The following TTC28 variants were observed in gnomAD, a reference collection of about 807,000 sequenced individuals.
TTC28 encodes the protein tetratricopeptide repeat protein 28.
TTC28 carries 61 observed loss-of-function variants against 198.0 expected under a neutral mutation model. The observed-to-expected ratio is 0.31, with a 90% CI of 0.25 to 0.38. The LOEUF (loss-of-function observed/expected upper bound fraction) is 0.38. TTC28 is among the 10% of genes least tolerant of loss of function. The pLI is 1.00. For synonymous variants in TTC28, 1,171 were observed against 1,297.8 expected (o/e 0.90, Z 2.10); for missense variants, 2,678 against 3,164.0 (o/e 0.85, Z 3.69).
At chr22:28,245,398 C>T (rs1387474076) in intron 5 of TTC28, among the ~76,000 whole-genome samples, 2 of 152,104 alleles carry the variant, frequency 1.3e-5, no homozygotes, top group African/African-American at 4.8e-5. Context: ...TCTATTTCAT[C>T]CTTAGGCCAA....
chr22:28,509,159 CT>C lies in TTC28; in HGVS notation c.381+120392del, dbSNP rs1568987396. On this transcript the variant is annotated intron_variant, in intron 2 of 22. Coordinates refer to ENST00000397906, the MANE Select transcript of TTC28 (RefSeq NM_001145418.2). ...TGAGCTGAGATTGCACCACTGCACTCTAGCCTGGGCAACAAAGTGAGATTCT... is the reference window on the plus strand; with the variant it reads ...TGAGCTGAGATTGCACCACTGCACTCAGCCTGGGCAACAAAGTGAGATTCT... 7.5e-3 allele frequency among the ~76,000 whole-genome samples: 1,126 copies of C among 150,616 alleles called. 19 individuals are homozygous for C. Among genetic ancestry groups the C allele is most frequent in the African/African-American group, 0.025 (1,034 of 40,974 alleles).
chr22:28,622,753 T>C (rs1056500496), intron 2 of TTC28, among the ~76,000 whole-genome samples: 2 of 152,028 alleles, frequency 1.3e-5, no homozygotes, highest in Admixed American at 1.3e-4. Flanking sequence ...TGAAAATATA[T>C]AAACAGAAGA....
At chr22:28,162,929 T>C (rs1405397038) in intron 6 of TTC28, among the ~76,000 whole-genome samples, 163 bp downstream of exon 6, 8 of 152,148 alleles carry the variant, frequency 5.3e-5, no homozygotes, top group Admixed American at 5.2e-4. Context: ...CAGTGACAGA[T>C]GAAGACCCTG....
Position 28,391,453 on chromosome 22 carries a change from A to G in TTC28, c.382-84810T>C, listed in dbSNP as rs866590443. Among the ~76,000 whole-genome samples, 95 of 152,218 alleles carry G rather than the reference A, an allele frequency of 6.2e-4. No individual in the cohort carries two copies. The Middle Eastern group carries it at 0.014, about 22-fold the overall frequency. ...GCAGAGTGTTTTCCAACTTGGTTCC[A>G]TTCTCCCCGTCACTTTCAGGTACAC... is the stretch of plus-strand genomic sequence containing the variant. On this transcript the variant is annotated intron_variant, in intron 2 of 22. Transcript: ENST00000397906.
At position 27,984,937 on chromosome 22, in the gene TTC28, G is replaced by C. The variant is rs190848476; in HGVS notation, c.5815+312C>G. ...CCACATGACCTGAGTGTCCGCTCCGGTCAGGCCCTGTGGCCCCACAGAGGA... is the reference window on the plus strand; with the variant it reads ...CCACATGACCTGAGTGTCCGCTCCGCTCAGGCCCTGTGGCCCCACAGAGGA... On this transcript the variant is annotated intron_variant, in intron 22 of 22. Coordinates refer to ENST00000397906, the MANE Select transcript of TTC28 (RefSeq NM_001145418.2). Among the ~76,000 whole-genome samples the C allele has an allele frequency of 2.5e-3, 383 of 152,260 alleles. 3 individuals are homozygous for C. The highest frequency in any genetic ancestry group is 8.7e-3 in the African/African-American group (360 of 41,546).
chr22:28,578,942 G>A (rs2050190243), intron 2 of TTC28, among the ~76,000 whole-genome samples: 1 of 152,016 alleles, frequency 6.6e-6, no homozygotes, highest in Non-Finnish European at 1.5e-5. Flanking sequence ...AAAGGGCTCT[G>A]GGATCCTAAA....
chr22:28,225,808 C>G (rs527713879), intron 5 of TTC28, among the ~76,000 whole-genome samples: 1 of 152,314 alleles, frequency 6.6e-6, no homozygotes, highest in African/African-American at 2.4e-5. Flanking sequence ...CCCCTATTAC[C>G]AGGCAACCAC....
intron 1 of TTC28, among the ~76,000 whole-genome samples, chr22:28,660,357 G>A (rs896296111): frequency 2.0e-5 from 3 of 152,122 alleles, no homozygotes; most frequent in Admixed American, 6.5e-5. Flanking sequence ...ACGGAGTCTC[G>A]CTCTGTTGCC....
At chr22:28,014,484 C>T in intron 13 of TTC28, 92 bp from the exon 14 acceptor site, 1 of 1,395,612 alleles carries the variant, frequency 7.2e-7, no homozygotes, top group Non-Finnish European at 9.5e-7. Flanking sequence ...GTATGGAAGG[C>T]AGGCTGAGGC....
chr22:28,337,176 C>G lies in TTC28; in HGVS notation c.382-30533G>C, dbSNP rs143690715. Among the ~76,000 whole-genome samples the G allele has an allele frequency of 3.6e-3, 551 of 152,266 alleles. 9 individuals are homozygous for G. In the East Asian group the frequency reaches 0.053, roughly 15 times the overall value. On this transcript the variant is annotated intron_variant, in intron 2 of 22. Transcript: ENST00000397906. Reference sequence around the variant, plus strand: ...TCAGTGAGTTTCTTAATCCTGAGATCTAGTTTGATTGCACTGTGGTCTGAG... The same window carrying G: ...TCAGTGAGTTTCTTAATCCTGAGATGTAGTTTGATTGCACTGTGGTCTGAG...
intron 12 of TTC28, among the ~76,000 whole-genome samples, chr22:28,083,872 C>T (rs573484518): frequency 1.3e-5 from 2 of 152,358 alleles, no homozygotes; most frequent in Admixed American, 6.5e-5. Flanking sequence ...ATATCCCGCA[C>T]CTGGCTCAGA....
At chr22:28,032,168 GTATA>G (rs375645095) in intron 12 of TTC28, among the ~76,000 whole-genome samples, 25 of 91,072 alleles carry the variant, frequency 2.7e-4, no homozygotes, top group Admixed American at 1.1e-3. Context: ...CTTAGTGTGT[GTATA>G]TATATATATA....
chr22:28,567,593 A>G (rs572374280), intron 2 of TTC28, among the ~76,000 whole-genome samples: 81 of 149,648 alleles, frequency 5.4e-4, no homozygotes, highest in African/African-American at 2.0e-3. Context: ...CAAAATTTGA[A>G]GGAAAATTAT....
At chr22:28,537,711 ATTAAAT>A (rs2049326409) in intron 2 of TTC28, among the ~76,000 whole-genome samples, 2 of 152,246 alleles carry the variant, frequency 1.3e-5, no homozygotes, top group African/African-American at 4.8e-5. Context: ...TCGTTATATC[ATTAAAT>A]TTAACAGCAA....
intron 1 of TTC28, among the ~76,000 whole-genome samples, chr22:28,639,577 C>T (rs145758767): frequency 6.6e-6 from 1 of 152,172 alleles, no homozygotes; most frequent in African/African-American, 2.4e-5. Context: ...CCAGTCTTTC[C>T]CATGCTGTTG....
At chr22:28,295,162 A>T (rs971749589) in intron 5 of TTC28, among the ~76,000 whole-genome samples, 1 of 152,144 alleles carries the variant, frequency 6.6e-6, no homozygotes, top group East Asian at 1.9e-4. Flanking sequence ...GGTGGCTTTC[A>T]AAGGCTTTTC....
At chr22:28,175,153 A>G (rs1414380003) in intron 5 of TTC28, among the ~76,000 whole-genome samples, 4 of 152,202 alleles carry the variant, frequency 2.6e-5, no homozygotes, top group African/African-American at 9.6e-5. Flanking sequence ...ACCTGAAACT[A>G]TGACACTGCT....
chr22:28,579,653 TAC>T (rs2050206098), intron 2 of TTC28, among the ~76,000 whole-genome samples: 3 of 150,894 alleles, frequency 2.0e-5, no homozygotes, highest in Non-Finnish European at 4.4e-5. Context: ...TGTGTATAAA[TAC>T]ACATATATAC....
rs1569032259 is a variant in TTC28 at position 28,571,011 on chromosome 22, A to T, written c.381+58541T>A. Among the ~76,000 whole-genome samples the T allele has an allele frequency of 3.9e-5, 6 of 152,196 alleles. 1 individual carries two copies. The highest frequency in any genetic ancestry group is 4.4e-5 in the Non-Finnish European group (3 of 68,038). On this transcript the variant is annotated intron_variant, in intron 2 of 22. Coordinates refer to ENST00000397906, the MANE Select transcript of TTC28 (RefSeq NM_001145418.2). Reference sequence around the variant, plus strand: ...GCTGGCATTTTTTTTTCCTGACTGTAAGATTTTAGACTACTCTTTAATTTG... The same window carrying T: ...GCTGGCATTTTTTTTTCCTGACTGTTAGATTTTAGACTACTCTTTAATTTG...
Sources: gnomAD v4.1 joint callset for allele counts (sites outside exome capture counted in the v4.1 genomes callset) on GRCh38, gnomAD v4.1.1 for gene constraint, MANE v1.5 for transcripts, NCBI Gene and HGNC (gene_info 2026-07-23, HGNC 2026-07-21) for gene names.